The following CD80 variants were observed in gnomAD, a reference collection of about 807,000 sequenced individuals.
The protein encoded by CD80 is T-lymphocyte activation antigen CD80.
Under a neutral mutation model 27.1 loss-of-function variants are expected in CD80, and 13 were observed. The ratio of observed to expected loss-of-function variants is 0.48; its 90% CI spans 0.31 to 0.76. The LOEUF (loss-of-function observed/expected upper bound fraction) is 0.76, where lower values mean the gene tolerates loss of function less well. Among genes scored for constraint, CD80 ranks in the 30% least tolerant of loss-of-function variants. The probability of loss-of-function intolerance (pLI) is 0.04; values close to 1 mark genes in which losing one functional copy is unlikely to be tolerated. For missense variants in CD80, 277 were observed against 347.9 expected (o/e 0.80, Z 1.62); for synonymous variants, 125 against 125.5 (o/e 1.00, Z 0.03).
chr3:119,527,959 TATACCAGGGGTG>T, intron 5 of CD80, 118 bp from the exon 6 acceptor site: 1 of 827,218 alleles, frequency 1.2e-6, no homozygotes, highest in Admixed American at 2.1e-5. Context: ...CAGTTGTTCT[TATACCAGGGGTG>T]ATTTACAATG....
chr3:119,526,181 A>AC (rs1577105648), intron 6 of CD80, among the ~76,000 whole-genome samples: 1 of 152,190 alleles, frequency 6.6e-6, no homozygotes, highest in East Asian at 1.9e-4. Context: ...TTCTCAATAA[A>AC]CCTACATACA....
intron 2 of CD80, 62 bp from the exon 3 acceptor site, chr3:119,544,929 G>T: frequency 7.3e-7 from 1 of 1,369,512 alleles, no homozygotes; most frequent in Non-Finnish European, 1.0e-6. Flanking sequence ...TGCATGGTCA[G>T]GAATCCAAAG....
intron 6 of CD80, 23 bp downstream of exon 6, chr3:119,527,710 C>T: frequency 7.2e-7 from 1 of 1,392,166 alleles, no homozygotes; most frequent in East Asian, 2.3e-5. Context: ...TCCATGTATC[C>T]CAGAAGAGAT....
chr3:119,549,398 A>G (rs528030468), intron 2 of CD80, among the ~76,000 whole-genome samples: 5 of 152,202 alleles, frequency 3.3e-5, no homozygotes, highest in Admixed American at 6.5e-5. Flanking sequence ...TTTAGAAGGC[A>G]TGGTCATTCT....
chr3:119,543,115 A>G (rs1411031358), intron 3 of CD80, among the ~76,000 whole-genome samples: 1 of 152,188 alleles, frequency 6.6e-6, no homozygotes, highest in Non-Finnish European at 1.5e-5. Flanking sequence ...TCTGCTCCCC[A>G]GATGCTTGGA....
chr3:119,559,311 G>T (rs752098594), intron 1 of CD80, 129 bp downstream of exon 1: 1 of 152,196 alleles, frequency 6.6e-6, no homozygotes, highest in Non-Finnish European at 1.5e-5. Context: ...GACCCTAAGG[G>T]TTCCTTTGAG....
chr3:119,537,121 G>T lies in CD80; in HGVS notation c.700+16C>A. 1 of 1,606,328 alleles carries T rather than the reference G, an allele frequency of 6.2e-7. No individual in the cohort carries two copies. The highest frequency in any genetic ancestry group is 1.1e-5 in the South Asian group (1 of 90,772). On this transcript the variant is annotated intron_variant, in intron 4 of 6. Coordinates refer to ENST00000264246, the MANE Select transcript of CD80 (RefSeq NM_005191.4). ...GATTCGATATAGTAGAAACTCCCCA[G>T]AACAATGTCACTTACTTGTATTCCA...
intron 5 of CD80, 110 bp downstream of exon 5, chr3:119,529,732 C>T: frequency 1.4e-6 from 1 of 713,320 alleles, no homozygotes. Flanking sequence ...CATAGGCTTG[C>T]TGTAAACATG....
At chr3:119,540,020 C>T (rs2082158757) in intron 3 of CD80, among the ~76,000 whole-genome samples, 1 of 152,202 alleles carries the variant, frequency 6.6e-6, no homozygotes, top group Non-Finnish European at 1.5e-5. Context: ...AGTGCAGTGG[C>T]ACCATCTTGG....
At chr3:119,540,772 G>A (rs974264078) in intron 3 of CD80, among the ~76,000 whole-genome samples, 1 of 152,182 alleles carries the variant, frequency 6.6e-6, no homozygotes, top group African/African-American at 2.4e-5. Context: ...TTCAAGGCCA[G>A]GTGTGCTGGC....
At chr3:119,558,380 A>C (rs2082275203) in intron 1 of CD80, among the ~76,000 whole-genome samples, 1 of 152,210 alleles carries the variant, frequency 6.6e-6, no homozygotes, top group Non-Finnish European at 1.5e-5. Flanking sequence ...ATAATATATC[A>C]TAAAGGGGTA....
intron 4 of CD80, among the ~76,000 whole-genome samples, chr3:119,535,935 A>G (rs75906281): frequency 0.12 from 18,681 of 152,224 alleles, 1,369 homozygotes; most frequent in Admixed American, 0.18. Flanking sequence ...TTTTTAGTAT[A>G]TATAAATTTT....
intron 2 of CD80, among the ~76,000 whole-genome samples, chr3:119,547,617 T>G (rs1400404478): frequency 1.3e-5 from 2 of 152,188 alleles, no homozygotes; most frequent in Non-Finnish European, 2.9e-5. Flanking sequence ...CTACACAGTT[T>G]GATTTGTGTG....
At chr3:119,545,165 G>A (rs954028883) in intron 2 of CD80, among the ~76,000 whole-genome samples, 1 of 152,152 alleles carries the variant, frequency 6.6e-6, no homozygotes, top group Non-Finnish European at 1.5e-5. Flanking sequence ...CCAACATGGT[G>A]AAACTCTGTC....
At chr3:119,547,335 C>T (rs935290004) in intron 2 of CD80, among the ~76,000 whole-genome samples, 1 of 152,218 alleles carries the variant, frequency 6.6e-6, no homozygotes, top group East Asian at 1.9e-4. Context: ...ATCCCATTCT[C>T]CTTTCTCCAA....
chr3:119,547,999 T>TG (rs146876911), intron 2 of CD80, among the ~76,000 whole-genome samples: 1 of 149,130 alleles, frequency 6.7e-6, no homozygotes, highest in Admixed American at 6.7e-5. Context: ...TTTTTTTTTT[T>TG]GAGACGGAGT....
At chr3:119,556,050 T>C (rs1240111137) in intron 2 of CD80, among the ~76,000 whole-genome samples, 1 of 152,196 alleles carries the variant, frequency 6.6e-6, no homozygotes, top group Non-Finnish European at 1.5e-5. Flanking sequence ...TTGCTTGTTC[T>C]ACATGGGTTA....
At chr3:119,558,686 C>T (rs1006144688) in intron 1 of CD80, among the ~76,000 whole-genome samples, 3 of 151,364 alleles carry the variant, frequency 2.0e-5, no homozygotes, top group Non-Finnish European at 2.9e-5. Flanking sequence ...TTGCTTGAAT[C>T]CAGGAGGTGG....
At chr3:119,549,313 C>T (rs951006257) in intron 2 of CD80, among the ~76,000 whole-genome samples, 2 of 152,164 alleles carry the variant, frequency 1.3e-5, no homozygotes, top group African/African-American at 4.8e-5. Context: ...GAAATATCAG[C>T]ATATCAATAT....
Sources: allele counts gnomAD v4.1 joint callset (sites outside exome capture counted in the v4.1 genomes callset), GRCh38; gene constraint gnomAD v4.1.1; transcripts MANE v1.5; gene names NCBI Gene and HGNC (gene_info 2026-07-23, HGNC 2026-07-21).